Variants in CYB5R1 observed in about 807,000 individuals in gnomAD.
CYB5R1 encodes the protein NADH-cytochrome b5 reductase 1.
In CYB5R1, 32 loss-of-function variants were observed where a neutral mutation model predicts 37.4. The observed-to-expected ratio is 0.86, with a 90% confidence interval of 0.65 to 1.15. The LOEUF is 1.15. CYB5R1 is among the 50% of genes most tolerant of loss of function. The probability of loss-of-function intolerance (pLI) is 0.00; values close to 1 mark genes in which losing one functional copy is unlikely to be tolerated. For synonymous variants in CYB5R1, 159 were observed against 155.2 expected (o/e 1.02, Z -0.18); for missense variants, 345 against 382.5 (o/e 0.90, Z 0.82).
At chr1:202,963,413 GAC>G in intron 7 of CYB5R1, 1 of 594,730 alleles carries the variant, frequency 1.7e-6, no homozygotes, top group Non-Finnish European at 3.0e-6. Flanking sequence ...CTGTGCTCCA[GAC>G]TAGATACCTT....
rs1655097194 is a variant in CYB5R1 at position 202,966,617 on chromosome 1, A to G, written c.166-17T>C. On this transcript the variant is annotated splice_polypyrimidine_tract_variant and intron_variant, in intron 2 of 8. Coordinates refer to ENST00000367249, the MANE Select transcript of CYB5R1 (RefSeq NM_016243.3). ...GCTCACAGTCTGGAGGGTGGAGGAC[A>G]CAAGTGTTTCACCAAGCGCGCCTGG... The G allele has an allele frequency of 3.1e-6, 5 of 1,614,038 alleles. No homozygotes were observed. The highest frequency in any genetic ancestry group is 3.3e-5 in the Admixed American group (2 of 60,004).
At chr1:202,967,130 G>C (rs1655113658) in intron 1 of CYB5R1, 61 bp downstream of exon 1, 2 of 1,578,690 alleles carry the variant, frequency 1.3e-6, no homozygotes. Flanking sequence ...GTCCGGAGCT[G>C]AGTGGCCAGA....
In CYB5R1 at chr1:202,962,649, G is replaced by A; in HGVS notation, c.796C>T (p.Leu266=). Residue 266 remains leucine, a synonymous_variant, in exon 9 of 9, where the codon CTG becomes TTG. Coordinates refer to ENST00000367249, the MANE Select transcript of CYB5R1 (RefSeq NM_016243.3). ...AGCACATCATCCCCTGGAGCGGGCA[G>A]GTGTTCCCGGATCATGTCGGCAGTC... is the stretch of plus-strand genomic sequence containing the variant. ...FVTADMIREH[L]PAPGDDVLVL... 1 of 1,614,158 alleles carries A rather than the reference G, an allele frequency of 6.2e-7. No individual in the cohort carries two copies. The highest frequency in any genetic ancestry group is 8.5e-7 in the Non-Finnish European group (1 of 1,180,034).
chr1:202,965,318 C>T (rs1205095323), intron 5 of CYB5R1, 53 bp downstream of exon 5: 2 of 1,526,580 alleles, frequency 1.3e-6, no homozygotes, highest in African/African-American at 2.8e-5. Context: ...GCCAAGAGGA[C>T]TATGGGAACT....
chr1:202,967,091 C>T, intron 1 of CYB5R1, 100 bp downstream of exon 1: 1 of 1,491,176 alleles, frequency 6.7e-7, no homozygotes, highest in East Asian at 2.5e-5. Flanking sequence ...CAGAGCCCTG[C>T]GGGGCGGGGT....
At chr1:202,966,229 G>A (rs1242103561) in intron 3 of CYB5R1, 1 of 594,174 alleles carries the variant, frequency 1.7e-6, no homozygotes, top group Non-Finnish European at 3.0e-6. Context: ...CTTGACAGAT[G>A]AGCCAAAAGG....
chr1:202,963,155 T>C lies in CYB5R1; in HGVS notation c.656A>G (p.Asp219Gly), dbSNP rs748766650. 4.3e-6 allele frequency: 7 copies of C among 1,613,614 alleles called. No individual in the cohort carries two copies. The Admixed American group carries it at 6.7e-5, about 15-fold the overall frequency. ...CTCTAAGTCCTCCCGCAAGATGATA[T>C]CCTTTTCTGTCTGAAATGCAAAGGG... ...FLLFANQTEK[D>G]IILREDLEEL... The change falls in exon 8 of 9, where the codon GAT (aspartate) becomes GGT (glycine). Residue 219 changes from aspartate to glycine, a missense_variant. By Grantham distance (94) the Asp-to-Gly change is moderately conservative. Transcript: ENST00000367249.
chr1:202,966,960 A>G, intron 1 of CYB5R1, 62 bp from the exon 2 acceptor site: 1 of 1,530,112 alleles, frequency 6.5e-7, no homozygotes. Context: ...TTGGGTGGTG[A>G]CCGTCCCAGG....
rs1443948735 is a variant in CYB5R1 at position 202,964,831 on chromosome 1, A to G, written c.476-136T>C. On this transcript the variant is annotated intron_variant, in intron 5 of 8. Transcript: ENST00000367249. ...CATCTGATCCTGGAGCTTGGGTGGA[A>G]GCTTGAGTTGAGCCAGCCCTGACAA... 4.3e-6 allele frequency: 3 copies of G among 697,544 alleles called. No homozygotes were observed. In the East Asian group the frequency reaches 8.1e-5, roughly 19 times the overall value. 43.2% of individuals were successfully genotyped at this position (697,544 alleles called of 1,614,324 possible). A position where few individuals can be genotyped will look rare whatever the true frequency, so the allele number is the denominator to read the frequency against.
chr1:202,963,645 G>C lies in CYB5R1; in HGVS notation c.642C>G (p.Asn214Lys). The change falls in exon 7 of 9, where the codon AAC becomes AAG. Residue 214 changes from asparagine (N) to lysine (K), a missense_variant. By Grantham distance (94) the Asn-to-Lys change is moderately conservative (BLOSUM62 0). Coordinates refer to ENST00000367249, the MANE Select transcript of CYB5R1 (RefSeq NM_016243.3). ...DPTQCFLLFANQTEKDIILRE... is the reference protein window; with the variant it reads ...DPTQCFLLFAKQTEKDIILRE... ...GGGTGGAGGAAAACAAACCAACCTG[G>C]TTGGCAAAAAGCAGAAAGCACTGGG... 1.2e-6 allele frequency: 2 copies of C among 1,604,712 alleles called. No individual in the cohort carries two copies. Among genetic ancestry groups the C allele is most frequent in the South Asian group, 2.2e-5 (2 of 89,378 alleles).
chr1:202,965,623 T>C (rs1276868017), intron 4 of CYB5R1, 123 bp from the exon 5 acceptor site: 10 of 1,005,138 alleles, frequency 9.9e-6, no homozygotes, highest in Non-Finnish European at 1.4e-5. Context: ...CCCGTCTACA[T>C]ACTTTCTTTC....
chr1:202,964,481 T>C (rs1381633693), intron 6 of CYB5R1, 131 bp downstream of exon 6: 2 of 806,850 alleles, frequency 2.5e-6, no homozygotes, highest in African/African-American at 3.4e-5. Context: ...ACTAGGGAGT[T>C]CTAAGCATTG....
intron 3 of CYB5R1, 78 bp downstream of exon 3, chr1:202,966,450 C>T: frequency 1.3e-6 from 2 of 1,499,208 alleles, no homozygotes; most frequent in Non-Finnish European, 1.9e-6. Context: ...GTTGAAGCAG[C>T]GTGTTTCATG....
chr1:202,961,993 GAC>G lies in CYB5R1; in HGVS notation c.*532_*533del, dbSNP rs1654996873. Reference sequence around the variant, plus strand: ...TCTAGCCTGGGCAGGGGCTGAGAGAGACACACACAGAAATATGATATTTCAGA... The same window carrying G: ...TCTAGCCTGGGCAGGGGCTGAGAGAGACACACAGAAATATGATATTTCAGA... On this transcript the variant is annotated 3_prime_UTR_variant, in exon 9 of 9. Coordinates refer to ENST00000367249, the MANE Select transcript of CYB5R1 (RefSeq NM_016243.3). 1 of 152,278 alleles carries G rather than the reference GAC, an allele frequency of 6.6e-6. No homozygotes were observed. The highest frequency in any genetic ancestry group is 1.5e-5 in the Non-Finnish European group (1 of 68,082). The allele number at this position is 152,278 out of a possible 1,614,324, so 9.4% of individuals were successfully genotyped here.
chr1:202,966,712 C>A (rs747926142), intron 2 of CYB5R1, 37 bp downstream of exon 2: 13 of 1,612,364 alleles, frequency 8.1e-6, no homozygotes, highest in Middle Eastern at 1.7e-4. Flanking sequence ...GCACTCTGGT[C>A]CCCTCCTTCA....
At position 202,964,640 on chromosome 1, in the gene CYB5R1, C is replaced by G. The variant is rs145576787; in HGVS notation, c.531G>C (p.Lys177Asn). 587 of 1,613,816 alleles carry G rather than the reference C, an allele frequency of 3.6e-4. 1 individual carries two copies. In the African/African-American group the frequency reaches 7.1e-3, roughly 20 times the overall value. ...KKSPPEPRVAKKLGMIAGGTG... is the reference protein window; with the variant it reads ...KKSPPEPRVANKLGMIAGGTG... ...TCCCGCCGGCAATCATTCCCAGTTTCTTCGCCACTCGGGGTTCTGGTGGAG... is the reference window on the plus strand; with the variant it reads ...TCCCGCCGGCAATCATTCCCAGTTTGTTCGCCACTCGGGGTTCTGGTGGAG... Residue 177 changes from lysine (K) to asparagine (N), a missense_variant, in exon 6 of 9, where the codon AAG (lysine) becomes AAC (asparagine). Transcript: ENST00000367249.
chr1:202,965,525 C>G, intron 4 of CYB5R1, 25 bp from the exon 5 acceptor site: 1 of 1,554,816 alleles, frequency 6.4e-7, no homozygotes, highest in African/African-American at 1.4e-5. Flanking sequence ...AGAAAAATAC[C>G]TTATTTGGAA....
chr1:202,962,764 C>G, intron 8 of CYB5R1, 65 bp from the exon 9 acceptor site: 1 of 1,580,326 alleles, frequency 6.3e-7, no homozygotes, highest in Non-Finnish European at 8.6e-7. Context: ...GGTGTGGTGC[C>G]ATGAGACTGG....
chr1:202,962,620 T>A lies in CYB5R1; in HGVS notation c.825A>T (p.Val275=). 1 of 1,614,206 alleles carries A rather than the reference T, an allele frequency of 6.2e-7. No homozygotes were observed. Among genetic ancestry groups the A allele is most frequent in the Non-Finnish European group, 8.5e-7 (1 of 1,180,046 alleles). ...CCATTGGGGGTGGCCCACAAAGCAG[T>A]ACCAGCACATCATCCCCTGGAGCGG... The part of the protein sequence containing the change: ...HLPAPGDDVL[V]LLCGPPPMVQ... The change falls in exon 9 of 9, where the codon GTA becomes GTT. Residue 275 remains valine (V), a synonymous_variant. Transcript: ENST00000367249.
Sources: gnomAD v4.1 joint callset for allele counts on GRCh38, gnomAD v4.1.1 for gene constraint, MANE v1.5 for transcripts, NCBI Gene and HGNC (gene_info 2026-07-23, HGNC 2026-07-21) for gene names.